ZNF385D: variants seen among roughly 807,000 people sequenced by gnomAD.
ZNF385D encodes zinc finger protein 385D, also known as zinc finger protein 659.
A neutral mutation model predicts 35.8 loss-of-function variants in ZNF385D; 15 were observed. The observed-to-expected ratio is 0.42, with a 90% confidence interval of 0.28 to 0.64. The LOEUF is 0.64. Among genes scored for constraint, ZNF385D ranks in the 30% least tolerant of loss-of-function variants. The pLI, the probability that ZNF385D is intolerant of heterozygous loss-of-function variation, is 0.23. For missense variants in ZNF385D, 474 were observed against 494.6 expected, an observed-to-expected ratio of 0.96 and a Z score of 0.39; for synonymous variants, 212 against 186.8, an observed-to-expected ratio of 1.13 and a Z score of -1.10.
At chr3:22,002,329 T>C (rs184779799) in intron 3 of ZNF385D, among the ~76,000 whole-genome samples, 16 of 152,128 alleles carry the variant, frequency 1.1e-4, no homozygotes, top group African/African-American at 3.1e-4. Flanking sequence ...TGCTAACAAA[T>C]TGGAAAACCT....
intron 4 of ZNF385D, among the ~76,000 whole-genome samples, chr3:21,484,418 G>A: frequency 6.6e-6 from 1 of 152,194 alleles, no homozygotes; most frequent in East Asian, 1.9e-4. Flanking sequence ...ATCTTTCGAA[G>A]AAGCTATCTG....
chr3:21,990,264 T>C (rs1695078102), intron 3 of ZNF385D, among the ~76,000 whole-genome samples: 1 of 152,228 alleles, frequency 6.6e-6, no homozygotes, highest in Non-Finnish European at 1.5e-5. Context: ...GGCATAAATG[T>C]AATACTTTCT....
intron 3 of ZNF385D, among the ~76,000 whole-genome samples, chr3:21,915,087 AT>A (rs915148156): frequency 2.0e-5 from 3 of 151,322 alleles, no homozygotes; most frequent in South Asian, 4.2e-4. Flanking sequence ...AAAGAGTTGG[AT>A]TTTTTTAACA....
upstream of ZNF385D, chr3:21,751,508 T>C (rs941895725): frequency 2.1e-6 from 2 of 944,908 alleles, no homozygotes; most frequent in Non-Finnish European, 2.5e-6. Context: ...CCGCCCCTCC[T>C]GTGAATGCCA....
chr3:22,225,014 A>T (rs766386064), intron 2 of ZNF385D, among the ~76,000 whole-genome samples: 3 of 147,966 alleles, frequency 2.0e-5, no homozygotes, highest in Non-Finnish European at 4.4e-5. Flanking sequence ...TATTCTCAAG[A>T]AAGAAATTCT....
At chr3:21,967,579 C>T (rs988258272) in intron 3 of ZNF385D, among the ~76,000 whole-genome samples, 6 of 152,188 alleles carry the variant, frequency 3.9e-5, no homozygotes, top group Non-Finnish European at 5.9e-5. Context: ...AAATTTTCTG[C>T]CCATTGGCTT....
At chr3:21,696,704 A>T (rs2067482649) in intron 1 of ZNF385D, among the ~76,000 whole-genome samples, 1 of 152,244 alleles carries the variant, frequency 6.6e-6, no homozygotes, top group South Asian at 2.1e-4. Context: ...CAATGCATTT[A>T]GAAGGAACTA....
intron 2 of ZNF385D, among the ~76,000 whole-genome samples, chr3:21,660,590 T>C (rs1014038344): frequency 9.9e-5 from 15 of 152,276 alleles, no homozygotes; most frequent in African/African-American, 3.1e-4. Flanking sequence ...AAAATACATA[T>C]GTTAGAGAAA....
At chr3:22,222,690 T>G (rs1475962159) in intron 2 of ZNF385D, among the ~76,000 whole-genome samples, 8 of 152,166 alleles carry the variant, frequency 5.3e-5, no homozygotes, top group African/African-American at 1.7e-4. Flanking sequence ...CCTTCCATAG[T>G]GTAAAAGCCA....
At chr3:21,543,609 AACTTTTCTTATGCAACTGGTG>A (rs1335737940) in intron 3 of ZNF385D, among the ~76,000 whole-genome samples, 1 of 152,160 alleles carries the variant, frequency 6.6e-6, no homozygotes, top group African/African-American at 2.4e-5. Context: ...ATTAAGCTTT[AACTTTTCTTATGCAACTGGTG>A]GAGGAAACAG....
intron 2 of ZNF385D, among the ~76,000 whole-genome samples, chr3:22,302,127 G>A (rs968301336): frequency 2.0e-5 from 3 of 151,914 alleles, no homozygotes; most frequent in Non-Finnish European, 2.9e-5. Context: ...AAACTGTACA[G>A]CTGGATTCAC....
chr3:21,846,478 G>C (rs145827225), intron 3 of ZNF385D, among the ~76,000 whole-genome samples: 53 of 152,080 alleles, frequency 3.5e-4, no homozygotes, highest in Non-Finnish European at 6.8e-4. Context: ...AGTTCAAGCA[G>C]GTACCCAGAG....
intron 3 of ZNF385D, among the ~76,000 whole-genome samples, chr3:21,760,954 A>G (rs1422500679): frequency 6.6e-6 from 1 of 152,228 alleles, no homozygotes; most frequent in Admixed American, 6.5e-5. Context: ...GTAGAACATT[A>G]TGAAATGACT....
intron 3 of ZNF385D, among the ~76,000 whole-genome samples, chr3:21,998,311 C>G (rs1373578786): frequency 6.6e-6 from 1 of 152,164 alleles, no homozygotes; most frequent in African/African-American, 2.4e-5. Context: ...CACCGGTGCT[C>G]TAATACATTT....
chr3:22,239,380 A>G (rs939521745), intron 2 of ZNF385D, among the ~76,000 whole-genome samples: 2 of 150,990 alleles, frequency 1.3e-5, no homozygotes, highest in African/African-American at 2.5e-5. Context: ...TTTGTAGAAA[A>G]TTTGCTAACC....
intron 3 of ZNF385D, among the ~76,000 whole-genome samples, chr3:21,806,283 A>C (rs1422035678): frequency 6.6e-6 from 1 of 151,618 alleles, no homozygotes; most frequent in African/African-American, 2.4e-5. Context: ...ACCTGAAAAA[A>C]GAATGAATGC....
intron 3 of ZNF385D, among the ~76,000 whole-genome samples, chr3:21,825,976 G>T (rs2673544): frequency 0.83 from 125,575 of 151,718 alleles, 52,073 homozygotes; most frequent in East Asian, 0.94. Context: ...TCTAGGTTGG[G>T]GCTAGAGAAT....
chr3:22,299,351 T>C (rs1702772299), intron 2 of ZNF385D, among the ~76,000 whole-genome samples: 1 of 151,844 alleles, frequency 6.6e-6, no homozygotes, highest in Admixed American at 6.6e-5. Context: ...GTAACTTTAC[T>C]CTAGGCCCTG....
intron 3 of ZNF385D, among the ~76,000 whole-genome samples, chr3:21,538,889 A>G (rs1359629531): frequency 6.6e-6 from 1 of 152,134 alleles, no homozygotes; most frequent in African/African-American, 2.4e-5. Flanking sequence ...TAAATATACA[A>G]ATATTGCCAC....
Sources: allele counts gnomAD v4.1 joint callset (sites outside exome capture counted in the v4.1 genomes callset), GRCh38; gene constraint gnomAD v4.1.1; transcripts MANE v1.5; gene names NCBI Gene and HGNC (gene_info 2026-07-23, HGNC 2026-07-21).